The following AKAP12 variants were observed in gnomAD, a reference collection of about 807,000 sequenced individuals.
The protein encoded by AKAP12 is A-kinase anchor protein 12.
A neutral mutation model predicts 79.9 loss-of-function variants in AKAP12; 32 were observed. That is an observed-to-expected ratio of 0.40 (90% CI 0.30 to 0.54). AKAP12 has a LOEUF of 0.54. AKAP12 is among the 20% of genes least tolerant of loss of function. The pLI is 0.48. For missense variants in AKAP12, 2,074 were observed against 2,177.0 expected (o/e 0.95, Z 0.94); for synonymous variants, 808 against 857.0 (o/e 0.94, Z 1.00).
At chr6:151,273,017 T>C (rs1431198095) in intron 2 of AKAP12, among the ~76,000 whole-genome samples, 1 of 151,962 alleles carries the variant, frequency 6.6e-6, no homozygotes, top group East Asian at 1.9e-4. Flanking sequence ...ACACCATTCT[T>C]CTGCCTCAGC....
rs569439568 is a variant in AKAP12, at chr6:151,259,236, G to A, written c.162+18512G>A. Among the ~76,000 whole-genome samples, 21 of 151,210 alleles carry A rather than the reference G, an allele frequency of 1.4e-4. No homozygotes were observed. In the East Asian group the frequency reaches 3.1e-3, roughly 23 times the overall value. ...ATTTTTTGAATTTTTAGTAGAGATG[G>A]GGTTTCACCATGTTGGCTGGGCTGA... is the stretch of plus-strand genomic sequence containing the variant. On this transcript the variant is annotated intron_variant, in intron 2 of 4. Transcript: ENST00000402676.
chr6:151,296,321 C>T (rs371974505), intron 2 of AKAP12, among the ~76,000 whole-genome samples: 4 of 152,176 alleles, frequency 2.6e-5, no homozygotes, highest in Non-Finnish European at 5.9e-5. Flanking sequence ...CTCTGAAACC[C>T]GATAAGCAGT....
Position 151,337,522 on chromosome 6 carries a change from A to AT in AKAP12, c.320-11189_320-11188insT, listed in dbSNP as rs554646940. On this transcript the variant is annotated intron_variant, in intron 3 of 4. Coordinates refer to ENST00000402676, the MANE Select transcript of AKAP12 (RefSeq NM_005100.4). ...AAGAGTTTCCGTCTCGAAAAAAAAA[A>AT]AAAAAGAAAGAAAGAAAGATAACTG... Among the ~76,000 whole-genome samples, 143 of 147,086 alleles carry AT rather than the reference A, an allele frequency of 9.7e-4. 2 individuals carry two copies. Among genetic ancestry groups the AT allele is most frequent in the African/African-American group, 3.5e-3 (138 of 39,062 alleles).
In AKAP12 at chr6:151,355,973, T is replaced by C. The variant is rs1364364697; in HGVS notation, c.*259T>C. On this transcript the variant is annotated 3_prime_UTR_variant, in exon 5 of 5. Transcript: ENST00000402676. ...CCCTTGATAACCATATAAATTCTGA[T>C]TTAAGGTCCTAAATTCTTAACCTGG... 6.5e-6 allele frequency: 1 copy of C among 152,680 alleles called. No individual in the cohort carries two copies. The highest frequency in any genetic ancestry group is 2.4e-5 in the African/African-American group (1 of 41,464). The allele number at this position is 152,680 out of a possible 1,614,324, so 9.5% of individuals were successfully genotyped here.
At chr6:151,243,494 A>G (rs1288647436) in intron 2 of AKAP12, among the ~76,000 whole-genome samples, 1 of 152,248 alleles carries the variant, frequency 6.6e-6, no homozygotes, top group African/African-American at 2.4e-5. Flanking sequence ...ATTAGGTCAA[A>G]TGGAGAGTTA....
chr6:151,264,390 C>T (rs1315669220), intron 2 of AKAP12, among the ~76,000 whole-genome samples: 2 of 136,576 alleles, frequency 1.5e-5, no homozygotes, highest in East Asian at 4.4e-4. Context: ...AAAAAAAAAG[C>T]TTGGGCATAG....
chr6:151,346,655 G>A (rs914130996), intron 3 of AKAP12, among the ~76,000 whole-genome samples: 1 of 152,176 alleles, frequency 6.6e-6, no homozygotes, highest in African/African-American at 2.4e-5. Context: ...GGTTAAGGTG[G>A]TGCCTGTCAG....
intron 2 of AKAP12, among the ~76,000 whole-genome samples, chr6:151,261,511 C>G (rs535169498): frequency 1.3e-5 from 2 of 151,694 alleles, no homozygotes; most frequent in Non-Finnish European, 2.9e-5. Flanking sequence ...AAATACAACC[C>G]GTCTCTAAAA....
chr6:151,285,831 A>G (rs942839719), intron 2 of AKAP12, among the ~76,000 whole-genome samples: 3 of 151,940 alleles, frequency 2.0e-5, no homozygotes, highest in Admixed American at 6.6e-5. Context: ...CAAAGGCTTT[A>G]TGATTGATCA....
chr6:151,265,599 A>T (rs1400816967), intron 2 of AKAP12, among the ~76,000 whole-genome samples: 1 of 152,252 alleles, frequency 6.6e-6, no homozygotes, highest in Non-Finnish European at 1.5e-5. Flanking sequence ...GAAAAAAGAA[A>T]ATAAACATAC....
chr6:151,339,502 G>A (rs150524587), intron 3 of AKAP12, among the ~76,000 whole-genome samples: 148 of 152,218 alleles, frequency 9.7e-4, no homozygotes, highest in African/African-American at 3.1e-3. Flanking sequence ...TTGCCCCAAC[G>A]TCTGCATAGC....
rs769926929 is a variant in AKAP12, at chr6:151,349,445, G to A, written c.1054G>A (p.Ala352Thr). The A allele has an allele frequency of 1.2e-5, 20 of 1,607,012 alleles. No homozygotes were observed. Among genetic ancestry groups the A allele is most frequent in the Middle Eastern group, 1.7e-4 (1 of 6,010 alleles). The stretch of plus-strand genomic sequence containing the variant: ...AGAGGTTGCCTCCGAGAAACTGACC[G>A]CCTCCGAGCAAGCCCACCCACAGGA... Reference protein sequence around the residue: ...KAEVASEKLTASEQAHPQEPA... With the variant: ...KAEVASEKLTTSEQAHPQEPA... The change falls in exon 4 of 5, where the codon GCC becomes ACC. Residue 352 changes from alanine (A) to threonine (T), a missense_variant. Around this residue, in one of 3 missense-constraint regions of AKAP12, gnomAD observed 1,428 missense variants for 1,451.0 expected, o/e 0.98. Transcript: ENST00000402676.
chr6:151,299,675 C>A (rs967503786), intron 2 of AKAP12, among the ~76,000 whole-genome samples: 2 of 152,096 alleles, frequency 1.3e-5, no homozygotes, highest in Non-Finnish European at 2.9e-5. Context: ...GTGTCTAAAT[C>A]TACCTCATAG....
At chr6:151,254,822 G>C (rs12195960) in intron 2 of AKAP12, among the ~76,000 whole-genome samples, 73,240 of 152,114 alleles carry the variant, frequency 0.48, 19,298 homozygotes, top group East Asian at 0.71. Context: ...AACAATGACA[G>C]AGATTTCAAG....
chr6:151,338,172 T>C (rs1031471472), intron 3 of AKAP12, among the ~76,000 whole-genome samples: 1 of 152,206 alleles, frequency 6.6e-6, no homozygotes, highest in East Asian at 1.9e-4. Flanking sequence ...GTTATCAATA[T>C]CATACATTTA....
intron 2 of AKAP12, among the ~76,000 whole-genome samples, chr6:151,270,745 T>G (rs1004466666): frequency 6.6e-6 from 1 of 152,168 alleles, no homozygotes; most frequent in Non-Finnish European, 1.5e-5. Flanking sequence ...GGCATCTCAC[T>G]GTGGTTTTGA....
In AKAP12 at chr6:151,351,337, A is replaced by G. The variant is rs1347685771; in HGVS notation, c.2946A>G (p.Ala982=). Residue 982 remains alanine (A), a synonymous_variant, in exon 4 of 5, where the codon GCA becomes GCG. Coordinates refer to ENST00000402676, the MANE Select transcript of AKAP12 (RefSeq NM_005100.4). The surrounding 1 kb of genome is among the most constrained non-coding windows in gnomAD (Gnocchi z 4.4). ...TPEAVTAAET[A]GPLGAEEGTE... The stretch of plus-strand genomic sequence containing the variant: ...AAGCTGTGACAGCTGCAGAAACTGC[A>G]GGGCCATTGGGTGCCGAAGAAGGAA... The G allele has an allele frequency of 3.1e-6, 5 of 1,614,120 alleles. No homozygotes were observed. Among genetic ancestry groups the G allele is most frequent in the Non-Finnish European group, 3.4e-6 (4 of 1,180,052 alleles).
chr6:151,332,096 G>GCATGATCT (rs1420361841), intron 3 of AKAP12, among the ~76,000 whole-genome samples: 5 of 147,648 alleles, frequency 3.4e-5, no homozygotes, highest in Admixed American at 1.4e-4. Flanking sequence ...GAGTGCAGTG[G>GCATGATCT]CATGATCTCA....
At chr6:151,309,318 A>C (rs1333474607) in intron 3 of AKAP12, among the ~76,000 whole-genome samples, 1 of 152,162 alleles carries the variant, frequency 6.6e-6, no homozygotes, top group Non-Finnish European at 1.5e-5. Context: ...TGTCCACTTA[A>C]ATAAGAAGAG....
Sources: gnomAD v4.1 joint callset for allele counts (sites outside exome capture counted in the v4.1 genomes callset) on GRCh38, gnomAD v4.1.1 for gene constraint, gnomAD v4.1.1 regional missense constraint, Gnocchi (gnomAD v3.1) non-coding constraint, MANE v1.5 for transcripts, NCBI Gene and HGNC (gene_info 2026-07-23, HGNC 2026-07-21) for gene names.